Variants in CPM observed in about 807,000 individuals in gnomAD.
The protein encoded by CPM is carboxypeptidase M.
Under a neutral mutation model 46.4 loss-of-function variants are expected in CPM, and 35 were observed. The observed-to-expected ratio is 0.75, with a 90% CI of 0.58 to 1.00. The LOEUF is 1.00. Among genes scored for constraint, CPM ranks in the 50% least tolerant of loss-of-function variants. The pLI is 0.00. For missense variants in CPM, 422 were observed against 530.4 expected, an observed-to-expected ratio of 0.80 and a Z score of 2.01; for synonymous variants, 195 against 195.3, an observed-to-expected ratio of 1.00 and a Z score of 0.01.
intron 3 of CPM, among the ~76,000 whole-genome samples, chr12:68,878,694 G>A (rs1886060969): frequency 1.3e-5 from 2 of 152,180 alleles, no homozygotes; most frequent in African/African-American, 4.8e-5. Flanking sequence ...CTGTTTAGTT[G>A]GCTTTGCATG....
intron 2 of CPM, among the ~76,000 whole-genome samples, chr12:68,922,068 T>A (rs545544954): frequency 7.2e-5 from 11 of 152,234 alleles, no homozygotes; most frequent in African/African-American, 2.6e-4. Context: ...TATGTGAACA[T>A]AGAGTTACTG....
At chr12:68,877,207 T>C (rs969970022) in intron 3 of CPM, among the ~76,000 whole-genome samples, 1 of 152,174 alleles carries the variant, frequency 6.6e-6, no homozygotes, top group African/African-American at 2.4e-5. Flanking sequence ...TTACAATCAC[T>C]TGGCTGACCT....
At chr12:68,923,713 G>T (rs938292105) in intron 2 of CPM, among the ~76,000 whole-genome samples, 1 of 152,118 alleles carries the variant, frequency 6.6e-6, no homozygotes, top group Non-Finnish European at 1.5e-5. Context: ...TCCACTAGAA[G>T]ACAAAGAAAT....
At chr12:68,848,220 T>C (rs1483938076), downstream of CPM, 1 of 152,272 alleles carries the variant, frequency 6.6e-6, no homozygotes, top group Non-Finnish European at 1.5e-5. Flanking sequence ...TCTTGCTCTG[T>C]TGCCCAGGGT....
At chr12:68,927,904 A>G (rs529881554) in intron 2 of CPM, among the ~76,000 whole-genome samples, 3 of 152,240 alleles carry the variant, frequency 2.0e-5, no homozygotes, top group Non-Finnish European at 4.4e-5. Flanking sequence ...TTCCATGCTC[A>G]TGGGTAGGAA....
chr12:68,877,049 T>C (rs1885989663), intron 3 of CPM, among the ~76,000 whole-genome samples: 1 of 152,216 alleles, frequency 6.6e-6, no homozygotes. Flanking sequence ...GTGTGTGTTA[T>C]AGATTTAAGT....
chr12:68,930,876 A>G (rs1031559449), intron 2 of CPM, among the ~76,000 whole-genome samples: 1 of 152,230 alleles, frequency 6.6e-6, no homozygotes, highest in African/African-American at 2.4e-5. Flanking sequence ...ACTTAAAATT[A>G]ACAACATCCT....
intron 1 of CPM, among the ~76,000 whole-genome samples, chr12:68,945,846 C>CTTTTTTTTTTTT (rs1170064808): frequency 5.5e-4 from 49 of 88,462 alleles, no homozygotes; most frequent in Non-Finnish European, 6.7e-4. Context: ...TTCTTTCTTT[C>CTTTTTTTTTTTT]TTTTTTTTTT....
intron 2 of CPM, among the ~76,000 whole-genome samples, chr12:68,909,337 A>G (rs1039917634): frequency 6.6e-6 from 1 of 152,204 alleles, no homozygotes; most frequent in Admixed American, 6.5e-5. Flanking sequence ...GTAGGTGTGT[A>G]CCACCATGCT....
At chr12:68,941,670 A>G (rs1888764156) in intron 1 of CPM, among the ~76,000 whole-genome samples, 1 of 152,202 alleles carries the variant, frequency 6.6e-6, no homozygotes, top group African/African-American at 2.4e-5. Flanking sequence ...CAAGTAGAAT[A>G]TAATGCCTTA....
intron 8 of CPM, 82 bp downstream of exon 8, chr12:68,858,841 C>T (rs1002431526): frequency 2.2e-6 from 2 of 897,210 alleles, no homozygotes; most frequent in East Asian, 3.2e-5. Context: ...ACTTCCTAGA[C>T]TTATTTTGGA....
chr12:68,903,315 T>C (rs1176634012), intron 2 of CPM, among the ~76,000 whole-genome samples: 1 of 152,190 alleles, frequency 6.6e-6, no homozygotes, highest in African/African-American at 2.4e-5. Context: ...GTCAATAATG[T>C]CCTCTCATAC....
In CPM at chr12:68,855,578, AG is replaced by A. The variant is rs2136211693; in HGVS notation, c.*858del. On this transcript the variant is annotated 3_prime_UTR_variant, in exon 9 of 9. Coordinates refer to ENST00000551568, the MANE Select transcript of CPM (RefSeq NM_198320.5). ...AGGCCTGTATTTTCTTGGGCCACTA[AG>A]ATGTGGTTACATATTTTCTCTCACA... 1 of 152,226 alleles carries A rather than the reference AG, an allele frequency of 6.6e-6. No homozygotes were observed. The highest frequency in any genetic ancestry group is 1.9e-4 in the East Asian group (1 of 5,178). The allele number at this position is 152,226 out of a possible 1,614,324, so 9.4% of individuals were successfully genotyped here.
rs183150136 is a variant in CPM, at chr12:68,906,312, G to A, written c.161-20423C>T. The stretch of plus-strand genomic sequence containing the variant: ...CCATCCAGAACAGGAATCTTGAGGC[G>A]TGAGTTCAGGAGTCTGCATTTTTCA... On this transcript the variant is annotated intron_variant, in intron 2 of 8. Coordinates refer to ENST00000551568, the MANE Select transcript of CPM (RefSeq NM_198320.5). Among the ~76,000 whole-genome samples, 198 of 152,230 alleles carry A rather than the reference G, an allele frequency of 1.3e-3. No individual in the cohort carries two copies. The Middle Eastern group carries it at 0.017, about 13-fold the overall frequency.
chr12:68,950,502 T>C (rs997302117), intron 1 of CPM, among the ~76,000 whole-genome samples: 3 of 152,132 alleles, frequency 2.0e-5, no homozygotes, highest in African/African-American at 4.8e-5. Context: ...TGGTTGTGGA[T>C]TGATTGGGCC....
intron 1 of CPM, among the ~76,000 whole-genome samples, chr12:68,948,843 G>C (rs1357759573): frequency 6.6e-6 from 1 of 152,126 alleles, no homozygotes; most frequent in Non-Finnish European, 1.5e-5. Context: ...CAGTAAGCAT[G>C]CCAATGTATA....
At chr12:68,890,818 C>T (rs903699233) in intron 2 of CPM, among the ~76,000 whole-genome samples, 2 of 152,208 alleles carry the variant, frequency 1.3e-5, no homozygotes, top group East Asian at 3.8e-4. Context: ...TGTGGAGAGT[C>T]TCAATGGGAC....
intron 2 of CPM, among the ~76,000 whole-genome samples, chr12:68,910,100 G>A (rs142958023): frequency 6.6e-6 from 1 of 152,260 alleles, no homozygotes; most frequent in East Asian, 1.9e-4. Context: ...TGATTTAGTA[G>A]TGCCTATCTT....
At position 68,956,771 on chromosome 12, in the gene CPM, GTAAAAGCTCTA is replaced by G. The variant is rs563438309; in HGVS notation, c.-4+6387_-4+6397del. On this transcript the variant is annotated intron_variant, in intron 1 of 8. Transcript: ENST00000546373. ...CAAATCACAGTTCACATGTTACGTTGTAAAAGCTCTATTAATGGCAGTTCCATTTTACTTAT... is the reference window on the plus strand; with the variant it reads ...CAAATCACAGTTCACATGTTACGTTGTTAATGGCAGTTCCATTTTACTTAT... Among the ~76,000 whole-genome samples, 5 of 152,320 alleles carry G rather than the reference GTAAAAGCTCTA, an allele frequency of 3.3e-5. No individual in the cohort carries two copies. In the East Asian group the frequency reaches 9.6e-4, roughly 29 times the overall value.
Sources: allele counts gnomAD v4.1 joint callset (sites outside exome capture counted in the v4.1 genomes callset), GRCh38; gene constraint gnomAD v4.1.1; transcripts MANE v1.5; gene names NCBI Gene and HGNC (gene_info 2026-07-23, HGNC 2026-07-21).